The following ZNF385D variants were observed in gnomAD, a reference collection of about 807,000 sequenced individuals.
ZNF385D encodes zinc finger protein 385D, also known as zinc finger protein 659.
ZNF385D carries 15 observed loss-of-function variants against 35.8 expected under a neutral mutation model. That is an observed-to-expected ratio of 0.42 (90% confidence interval 0.28 to 0.64). ZNF385D has a LOEUF of 0.64. Ranked by LOEUF, ZNF385D falls within the 30% of genes least tolerant of loss-of-function variation. The pLI is 0.23. For missense variants in ZNF385D, 474 were observed against 494.6 expected (o/e 0.96, Z 0.39); for synonymous variants, 212 against 186.8 (o/e 1.13, Z -1.10).
rs1472391507 is a variant in ZNF385D at position 22,336,168 on chromosome 3, T to C, written c.106+36282A>G. ...GATAAGGCTCACATGGTAAAACTGT[T>C]AACTTGAAGTGGAAAGATATAATAA... On this transcript the variant is annotated intron_variant, in intron 2 of 5. Coordinates refer to the ZNF385D transcript ENST00000494108. Among the ~76,000 whole-genome samples, 3 of 152,126 alleles carry C rather than the reference T, an allele frequency of 2.0e-5. No individual in the cohort carries two copies. The East Asian group carries it at 5.8e-4, about 29-fold the overall frequency.
intron 3 of ZNF385D, among the ~76,000 whole-genome samples, chr3:21,872,574 A>G (rs928053652): frequency 4.6e-5 from 7 of 152,252 alleles, no homozygotes; most frequent in East Asian, 1.9e-4. Context: ...GATAAGTTTT[A>G]TATCACTCTT....
intron 2 of ZNF385D, among the ~76,000 whole-genome samples, chr3:22,215,273 A>G (rs79682152): frequency 1.3e-5 from 2 of 152,042 alleles, no homozygotes; most frequent in African/African-American, 4.8e-5. Flanking sequence ...GCAATGTTCA[A>G]GGAACAAGAG....
intron 3 of ZNF385D, among the ~76,000 whole-genome samples, chr3:21,773,342 AC>A (rs1207572553): frequency 2.6e-5 from 4 of 151,922 alleles, no homozygotes; most frequent in African/African-American, 7.2e-5. Flanking sequence ...TCTTTTAAAA[AC>A]AGGAGTCTTT....
At chr3:21,847,255 T>C (rs1357725825) in intron 3 of ZNF385D, among the ~76,000 whole-genome samples, 3 of 152,066 alleles carry the variant, frequency 2.0e-5, no homozygotes, top group Non-Finnish European at 2.9e-5. Flanking sequence ...CAAAGGACTT[T>C]TTTAGTTATT....
intron 3 of ZNF385D, among the ~76,000 whole-genome samples, chr3:22,105,310 T>C (rs1039672502): frequency 5.9e-5 from 9 of 151,974 alleles, no homozygotes; most frequent in African/African-American, 2.2e-4. Context: ...ATATTGCCTT[T>C]TTTTTTTCAG....
chr3:22,031,511 C>G (rs1698000775), intron 3 of ZNF385D, among the ~76,000 whole-genome samples: 1 of 152,210 alleles, frequency 6.6e-6, no homozygotes, highest in African/African-American at 2.4e-5. Flanking sequence ...GCACCTTGCC[C>G]CTTTTAGCCA....
At chr3:21,947,465 C>T (rs547640645) in intron 3 of ZNF385D, among the ~76,000 whole-genome samples, 13 of 152,218 alleles carry the variant, frequency 8.5e-5, no homozygotes, top group Non-Finnish European at 1.6e-4. Context: ...ATTCTCCTGC[C>T]TCAGCCTCCT....
At chr3:22,213,899 C>G (rs1234519290) in intron 2 of ZNF385D, among the ~76,000 whole-genome samples, 1 of 151,814 alleles carries the variant, frequency 6.6e-6, no homozygotes, top group Non-Finnish European at 1.5e-5. Context: ...GAATTTACAC[C>G]AGAAGAAAAT....
intron 3 of ZNF385D, among the ~76,000 whole-genome samples, chr3:21,807,362 T>A (rs929019882): frequency 1.3e-5 from 2 of 152,156 alleles, no homozygotes; most frequent in Non-Finnish European, 2.9e-5. Context: ...TATGACACTA[T>A]GAAGATAAAG....
intron 3 of ZNF385D, among the ~76,000 whole-genome samples, chr3:22,083,657 T>A (rs1053680720): frequency 2.6e-5 from 4 of 152,216 alleles, no homozygotes; most frequent in African/African-American, 9.6e-5. Context: ...GAAAACACTC[T>A]GTAGGATATT....
At chr3:22,099,723 T>C (rs942318751) in intron 3 of ZNF385D, among the ~76,000 whole-genome samples, 1 of 151,754 alleles carries the variant, frequency 6.6e-6, no homozygotes, top group Non-Finnish European at 1.5e-5. Flanking sequence ...AATAGAAGGA[T>C]GGAGCGTAAG....
chr3:22,208,728 T>A (rs774110268), intron 2 of ZNF385D, among the ~76,000 whole-genome samples: 1 of 151,052 alleles, frequency 6.6e-6, no homozygotes, highest in East Asian at 1.9e-4. Context: ...AAAAAAAAAA[T>A]TTAAAAAATA....
chr3:21,469,235 T>C (rs1703731063), intron 4 of ZNF385D, among the ~76,000 whole-genome samples: 1 of 152,194 alleles, frequency 6.6e-6, no homozygotes, highest in South Asian at 2.1e-4. Context: ...ATTCGCATGC[T>C]GTAAATGGAA....
At chr3:21,577,064 C>T (rs2063517069) in intron 2 of ZNF385D, among the ~76,000 whole-genome samples, 1 of 152,132 alleles carries the variant, frequency 6.6e-6, no homozygotes, top group African/African-American at 2.4e-5. Context: ...AGAACTTAAT[C>T]TATATCTTTA....
chr3:21,644,793 C>T (rs1039142247), intron 2 of ZNF385D, among the ~76,000 whole-genome samples: 1 of 152,124 alleles, frequency 6.6e-6, no homozygotes, highest in Admixed American at 6.5e-5. Context: ...CTACATCACA[C>T]AGGAATCACA....
chr3:21,852,387 A>T (rs1025736425), intron 3 of ZNF385D, among the ~76,000 whole-genome samples: 1 of 151,872 alleles, frequency 6.6e-6, no homozygotes, highest in Admixed American at 6.6e-5. Context: ...CCTAGGTCTT[A>T]GTCATAAAAG....
chr3:21,859,270 G>A (rs1462705097), intron 3 of ZNF385D, among the ~76,000 whole-genome samples: 2 of 152,108 alleles, frequency 1.3e-5, no homozygotes, highest in Non-Finnish European at 2.9e-5. Flanking sequence ...TACCCTGCCC[G>A]CAGATTCACT....
intron 1 of ZNF385D, among the ~76,000 whole-genome samples, chr3:21,708,565 A>C (rs752779989): frequency 6.6e-6 from 1 of 152,206 alleles, no homozygotes; most frequent in Non-Finnish European, 1.5e-5. Context: ...ATGTGGAAAT[A>C]AATTTGAAAT....
chr3:21,898,199 T>C (rs947191914), intron 3 of ZNF385D, among the ~76,000 whole-genome samples: 1 of 152,130 alleles, frequency 6.6e-6, no homozygotes, highest in African/African-American at 2.4e-5. Context: ...GGAGATAAAA[T>C]TACATTTCAG....
Sources: allele counts gnomAD v4.1 joint callset (sites outside exome capture counted in the v4.1 genomes callset), GRCh38; gene constraint gnomAD v4.1.1; transcripts MANE v1.5; gene names NCBI Gene and HGNC (gene_info 2026-07-23, HGNC 2026-07-21).